CACNA2D3: variants seen among roughly 807,000 people sequenced by gnomAD.
CACNA2D3 encodes the protein calcium voltage-gated channel auxiliary subunit alpha2delta 3.
A neutral mutation model predicts 160.6 loss-of-function variants in CACNA2D3; 60 were observed. The ratio of observed to expected loss-of-function variants is 0.37; its 90% CI spans 0.30 to 0.46. CACNA2D3 has a LOEUF of 0.46. CACNA2D3 is among the 20% of genes least tolerant of loss of function. The pLI is 1.00. For synonymous variants in CACNA2D3, 558 were observed against 492.9 expected, an observed-to-expected ratio of 1.13 and a Z score of -1.75; for missense variants, 1,205 against 1,365.0, an observed-to-expected ratio of 0.88 and a Z score of 1.85.
Position 54,927,337 on chromosome 3 carries a change from C to A in CACNA2D3, c.2449+27469C>A, listed in dbSNP as rs1247393369. ...TGCAGAACATCACAGTCCCCTTCCC[C>A]TTTCCAGAATATCAAAGAGCAAAAC... is the stretch of plus-strand genomic sequence containing the variant. On this transcript the variant is annotated intron_variant, in intron 27 of 37. Coordinates refer to ENST00000474759, the MANE Select transcript of CACNA2D3 (RefSeq NM_018398.3). 2.0e-5 allele frequency among the ~76,000 whole-genome samples: 3 copies of A among 152,168 alleles called. No individual in the cohort carries two copies. The East Asian group carries it at 5.8e-4, about 29-fold the overall frequency.
intron 13 of CACNA2D3, among the ~76,000 whole-genome samples, chr3:54,766,343 A>G (rs1213289796): frequency 6.6e-6 from 1 of 152,320 alleles, no homozygotes; most frequent in Middle Eastern, 3.4e-3. Context: ...TTCACAAAAA[A>G]GAATAAAAAA....
At chr3:54,598,936 G>C (rs916559743) in intron 9 of CACNA2D3, among the ~76,000 whole-genome samples, 12 of 152,258 alleles carry the variant, frequency 7.9e-5, no homozygotes, top group African/African-American at 2.4e-4. Context: ...GGTTTTCGTG[G>C]CCAGCATCTA....
intron 24 of CACNA2D3, among the ~76,000 whole-genome samples, chr3:54,888,947 A>T (rs1699993559): frequency 6.6e-6 from 1 of 152,232 alleles, no homozygotes; most frequent in Admixed American, 6.5e-5. Flanking sequence ...CTGTATTATT[A>T]AGAATCATAA....
At chr3:54,413,360 A>G (rs191566284) in intron 4 of CACNA2D3, among the ~76,000 whole-genome samples, 17 of 149,042 alleles carry the variant, frequency 1.1e-4, no homozygotes, top group Non-Finnish European at 3.0e-5. Flanking sequence ...AGTGTACTAC[A>G]CAGTGTGATA....
rs764866239 is a variant in CACNA2D3, at chr3:54,871,620, G to A, written c.1708G>A (p.Val570Met). 1.2e-5 allele frequency: 20 copies of A among 1,609,918 alleles called. No homozygotes were observed. Among genetic ancestry groups the A allele is most frequent in the Middle Eastern group, 1.7e-4 (1 of 6,054 alleles). The stretch of plus-strand genomic sequence containing the variant: ...GGTGGAGTGGGAAGACCGAGATGAC[G>A]TGGTAAGTGATTTGTTTTCAGGCCT... Reference protein sequence around the residue: ...SEVEWEDRDDVLRNAMVNRKT... With the variant: ...SEVEWEDRDDMLRNAMVNRKT... The change falls in exon 18 of 38, where the codon GTG becomes ATG. Residue 570 changes from valine to methionine, a missense_variant and splice_region_variant. Val to Met is a conservative substitution (Grantham distance 21). This residue lies in a region of CACNA2D3 where 911 missense variants were observed against 1,002.2 expected (regional missense o/e 0.91). Coordinates refer to ENST00000474759, the MANE Select transcript of CACNA2D3 (RefSeq NM_018398.3).
At chr3:54,646,230 CCTTCCTTCCTTCCTTCCTCT>C (rs1699648237) in intron 11 of CACNA2D3, among the ~76,000 whole-genome samples, 2 of 116,324 alleles carry the variant, frequency 1.7e-5, no homozygotes, top group Admixed American at 9.6e-5. Flanking sequence ...TTCCTTCCTT[CCTTCCTTCCTTCCTTCCTCT>C]CTCTCTCTCA....
intron 4 of CACNA2D3, among the ~76,000 whole-genome samples, chr3:54,422,628 G>C (rs749537181): frequency 3.9e-5 from 6 of 152,052 alleles, no homozygotes; most frequent in African/African-American, 1.4e-4. Context: ...GTAAATTAAG[G>C]CAGCACCATT....
intron 8 of CACNA2D3, among the ~76,000 whole-genome samples, chr3:54,572,171 G>A (rs1702510114): frequency 6.6e-6 from 1 of 152,124 alleles, no homozygotes; most frequent in African/African-American, 2.4e-5. Flanking sequence ...TTAGTATCCT[G>A]CCTATACAGG....
At chr3:54,173,887 C>T (rs1418236115) in intron 2 of CACNA2D3, among the ~76,000 whole-genome samples, 2 of 152,026 alleles carry the variant, frequency 1.3e-5, no homozygotes, top group Non-Finnish European at 2.9e-5. Flanking sequence ...TTTGTAAATC[C>T]CTGTGAGCTT....
At chr3:54,669,222 T>A (rs1700118140) in intron 11 of CACNA2D3, among the ~76,000 whole-genome samples, 1 of 152,178 alleles carries the variant, frequency 6.6e-6, no homozygotes, top group South Asian at 2.1e-4. Flanking sequence ...AAATCCTTAA[T>A]ACTTTTCACA....
chr3:54,219,539 A>G (rs1355605812), intron 2 of CACNA2D3, among the ~76,000 whole-genome samples: 1 of 152,166 alleles, frequency 6.6e-6, no homozygotes, highest in African/African-American at 2.4e-5. Context: ...ATAGTGAACC[A>G]TGTACCCCTT....
intron 2 of CACNA2D3, among the ~76,000 whole-genome samples, chr3:54,168,905 C>G (rs1700505896): frequency 6.6e-6 from 1 of 152,174 alleles, no homozygotes; most frequent in African/African-American, 2.4e-5. Flanking sequence ...CTCTCACTGT[C>G]CTGCGTGGAA....
At chr3:54,455,679 G>T (rs1283424064) in intron 4 of CACNA2D3, among the ~76,000 whole-genome samples, 1 of 151,854 alleles carries the variant, frequency 6.6e-6, no homozygotes, top group Non-Finnish European at 1.5e-5. Context: ...TTCTCCTATG[G>T]TTTCTTCTAC....
At chr3:54,802,970 C>T (rs1222949722) in intron 13 of CACNA2D3, among the ~76,000 whole-genome samples, 6 of 152,202 alleles carry the variant, frequency 3.9e-5, no homozygotes, top group Admixed American at 6.5e-5. Context: ...GGACCTCTAG[C>T]AAACTTCAAC....
Position 54,542,210 on chromosome 3 carries a change from T to C in CACNA2D3, c.545-20590T>C, listed in dbSNP as rs1190479211. Among the ~76,000 whole-genome samples the C allele has an allele frequency of 5.3e-5, 8 of 151,980 alleles. No homozygotes were observed. The East Asian group carries it at 1.4e-3, about 26-fold the overall frequency. On this transcript the variant is annotated intron_variant, in intron 5 of 37. Coordinates refer to ENST00000474759, the MANE Select transcript of CACNA2D3 (RefSeq NM_018398.3). Reference sequence around the variant, plus strand: ...CCGAGTAGCTGGGATTACAGGCACGTACCACCACGCCCAGCTCATTTTTAT... The same window carrying C: ...CCGAGTAGCTGGGATTACAGGCACGCACCACCACGCCCAGCTCATTTTTAT...
At chr3:54,852,394 C>T (rs1455180576) in intron 17 of CACNA2D3, among the ~76,000 whole-genome samples, 4 of 152,232 alleles carry the variant, frequency 2.6e-5, no homozygotes, top group African/African-American at 9.6e-5. Flanking sequence ...TCATCTAAAT[C>T]AGAATGTTTT....
At chr3:54,917,892 C>T (rs943764845) in intron 27 of CACNA2D3, among the ~76,000 whole-genome samples, 4 of 152,186 alleles carry the variant, frequency 2.6e-5, no homozygotes, top group African/African-American at 9.7e-5. Flanking sequence ...TAGACTTTGA[C>T]TCTTGTGGCA....
chr3:54,673,815 C>G (rs1407360259), intron 11 of CACNA2D3, among the ~76,000 whole-genome samples: 1 of 152,222 alleles, frequency 6.6e-6, no homozygotes, highest in Non-Finnish European at 1.5e-5. Flanking sequence ...TGACCTTCCT[C>G]TCTGGACTAG....
At chr3:54,706,331 G>T (rs1200762121) in intron 11 of CACNA2D3, among the ~76,000 whole-genome samples, 1 of 152,186 alleles carries the variant, frequency 6.6e-6, no homozygotes, top group Non-Finnish European at 1.5e-5. Context: ...TCTTCCCAAA[G>T]TCGTGGCAGT....
Sources: gnomAD v4.1 joint callset for allele counts (sites outside exome capture counted in the v4.1 genomes callset) on GRCh38, gnomAD v4.1.1 for gene constraint, gnomAD v4.1.1 regional missense constraint, MANE v1.5 for transcripts, NCBI Gene and HGNC (gene_info 2026-07-23, HGNC 2026-07-21) for gene names.